Variants in STXBP6 observed in about 807,000 individuals in gnomAD.
STXBP6 encodes syntaxin-binding protein 6.
STXBP6 carries 21 observed loss-of-function variants against 26.9 expected under a neutral mutation model. The observed-to-expected ratio is 0.78, with a 90% CI of 0.55 to 1.12. The LOEUF (loss-of-function observed/expected upper bound fraction) is 1.12. Ranked by LOEUF, STXBP6 falls within the 50% of genes most tolerant of loss-of-function variation. The pLI, the probability that STXBP6 is intolerant of heterozygous loss-of-function variation, is 0.00. For missense variants in STXBP6, 232 were observed against 257.9 expected (o/e 0.90, Z 0.69); for synonymous variants, 97 against 92.6 (o/e 1.05, Z -0.27).
intron 2 of STXBP6, among the ~76,000 whole-genome samples, chr14:24,972,050 A>G (rs2140185078): frequency 6.6e-6 from 1 of 152,318 alleles, no homozygotes; most frequent in Non-Finnish European, 1.5e-5. Context: ...TTTGTCACTT[A>G]CAAGAAACAT....
chr14:24,841,412 G>T (rs1321558744), intron 4 of STXBP6, among the ~76,000 whole-genome samples: 6 of 152,074 alleles, frequency 3.9e-5, no homozygotes, highest in Admixed American at 3.9e-4. Flanking sequence ...TTTTCTCTAG[G>T]TAAAGCTTTA....
intron 1 of STXBP6, among the ~76,000 whole-genome samples, chr14:25,001,306 G>A (rs1464206094): frequency 6.6e-6 from 1 of 152,088 alleles, no homozygotes; most frequent in Non-Finnish European, 1.5e-5. Context: ...ATACATACAG[G>A]GCATTCTGAC....
At chr14:24,994,078 G>T (rs1229786178) in intron 1 of STXBP6, among the ~76,000 whole-genome samples, 1 of 152,120 alleles carries the variant, frequency 6.6e-6, no homozygotes, top group Non-Finnish European at 1.5e-5. Context: ...AGTTCCCTAT[G>T]TTAAATCACC....
At chr14:24,958,229 C>CT (rs2073406135) in intron 2 of STXBP6, among the ~76,000 whole-genome samples, 1 of 152,122 alleles carries the variant, frequency 6.6e-6, no homozygotes, top group African/African-American at 2.4e-5. Flanking sequence ...TACCAAAGTA[C>CT]TTATAATGCT....
chr14:24,828,884 C>G (rs2068369460), intron 4 of STXBP6, among the ~76,000 whole-genome samples: 1 of 152,114 alleles, frequency 6.6e-6, no homozygotes, highest in African/African-American at 2.4e-5. Context: ...GCTGGCCAAG[C>G]AATGTAAAGG....
chr14:24,990,843 C>T (rs932820849), intron 1 of STXBP6, among the ~76,000 whole-genome samples: 3 of 149,592 alleles, frequency 2.0e-5, no homozygotes, highest in African/African-American at 7.4e-5. Flanking sequence ...AAGGGTGATG[C>T]AGATATGCAG....
intron 4 of STXBP6, among the ~76,000 whole-genome samples, chr14:24,824,389 T>C (rs912270416): frequency 1.3e-5 from 2 of 152,194 alleles, no homozygotes; most frequent in Non-Finnish European, 2.9e-5. Context: ...TGTCACTAAA[T>C]ATTTTATAGA....
chr14:24,982,746 T>C (rs955647840), intron 1 of STXBP6, among the ~76,000 whole-genome samples: 1 of 152,228 alleles, frequency 6.6e-6, no homozygotes, highest in Non-Finnish European at 1.5e-5. Flanking sequence ...ATGTCCAGTA[T>C]ACACATTCTT....
intron 2 of STXBP6, among the ~76,000 whole-genome samples, chr14:24,870,073 A>G (rs2069872280): frequency 6.6e-6 from 1 of 152,190 alleles, no homozygotes; most frequent in African/African-American, 2.4e-5. Context: ...CAGGCAGATA[A>G]TAAATTTATT....
At chr14:24,843,497 T>A (rs533692054) in intron 4 of STXBP6, among the ~76,000 whole-genome samples, 84 of 152,318 alleles carry the variant, frequency 5.5e-4, no homozygotes, top group African/African-American at 1.9e-3. Context: ...AAGCTCCCAC[T>A]GAGTGCTCAC....
At position 24,812,719 on chromosome 14, in the gene STXBP6, T is replaced by A; in HGVS notation, c.623A>T (p.His208Leu). The part of the protein sequence containing the change: ...AETAHKLAMK[H>L]KC ...AGGATAGGCAGTTTCTCAACATTTG[T>A]GCTTCATGGCAAGCTAAGGAGAGAG... The change falls in exon 6 of 6, where the codon CAC becomes CTC. Residue 208 changes from histidine to leucine, a missense_variant. Physicochemically the swap from His to Leu is moderately conservative, Grantham distance 99. Coordinates refer to ENST00000323944, the MANE Select transcript of STXBP6 (RefSeq NM_001394410.1). The A allele has an allele frequency of 6.2e-7, 1 of 1,613,818 alleles. No homozygotes were observed. The highest frequency in any genetic ancestry group is 8.5e-7 in the Non-Finnish European group (1 of 1,179,770).
chr14:25,013,007 G>T (rs1278096539), intron 1 of STXBP6, among the ~76,000 whole-genome samples: 1 of 152,068 alleles, frequency 6.6e-6, no homozygotes, highest in African/African-American at 2.4e-5. Context: ...TGGGAGGATT[G>T]CTTGAACCCA....
At chr14:24,991,376 TCTTA>T (rs1326452311) in intron 1 of STXBP6, among the ~76,000 whole-genome samples, 1 of 152,232 alleles carries the variant, frequency 6.6e-6, no homozygotes, top group Non-Finnish European at 1.5e-5. Flanking sequence ...CAAGTATGTG[TCTTA>T]CTTTCTTTAT....
At chr14:24,863,631 C>A (rs571838285) in intron 2 of STXBP6, among the ~76,000 whole-genome samples, 1 of 152,232 alleles carries the variant, frequency 6.6e-6, no homozygotes, top group African/African-American at 2.4e-5. Flanking sequence ...AAACCTCTTA[C>A]AACAATCTCT....
intron 1 of STXBP6, among the ~76,000 whole-genome samples, chr14:25,003,812 T>TCATGAATTGACAGCAA (rs2140343501): frequency 6.6e-6 from 1 of 152,232 alleles, no homozygotes; most frequent in Non-Finnish European, 1.5e-5. Flanking sequence ...AGACAAAACA[T>TCATGAATTGACAGCAA]CACATGAATT....
chr14:24,860,668 T>C (rs1455823062), intron 2 of STXBP6, among the ~76,000 whole-genome samples: 2 of 152,144 alleles, frequency 1.3e-5, no homozygotes, highest in Non-Finnish European at 2.9e-5. Flanking sequence ...AACTATCTCA[T>C]ATTTGAGATA....
chr14:24,962,106 C>T (rs1287746819), intron 2 of STXBP6, among the ~76,000 whole-genome samples: 1 of 152,048 alleles, frequency 6.6e-6, no homozygotes, highest in Non-Finnish European at 1.5e-5. Context: ...TCTGCAAACA[C>T]AGACAGAATC....
chr14:24,986,376 A>G (rs914622776), intron 1 of STXBP6, among the ~76,000 whole-genome samples: 1 of 152,000 alleles, frequency 6.6e-6, no homozygotes, highest in Non-Finnish European at 1.5e-5. Flanking sequence ...CTCTGTATTG[A>G]CTCCAACTGA....
intron 2 of STXBP6, among the ~76,000 whole-genome samples, chr14:24,862,448 C>T (rs532400268): frequency 2.0e-5 from 3 of 152,226 alleles, no homozygotes; most frequent in African/African-American, 7.2e-5. Context: ...CTCCATTAAC[C>T]CCAAAGGTGG....
Sources: gnomAD v4.1 joint callset for allele counts (sites outside exome capture counted in the v4.1 genomes callset) on GRCh38, gnomAD v4.1.1 for gene constraint, MANE v1.5 for transcripts, NCBI Gene and HGNC (gene_info 2026-07-23, HGNC 2026-07-21) for gene names.